The following PPP2R5C variants were observed in gnomAD, a reference collection of about 807,000 sequenced individuals.
PPP2R5C encodes protein phosphatase 2 regulatory subunit B'gamma, also known as serine/threonine-protein phosphatase 2A 56 kDa regulatory subunit gamma isoform.
PPP2R5C carries 7 observed loss-of-function variants against 68.9 expected under a neutral mutation model. The ratio of observed to expected loss-of-function variants is 0.10; its 90% confidence interval spans 0.06 to 0.19. The LOEUF (loss-of-function observed/expected upper bound fraction) is 0.19. Ranked by LOEUF, PPP2R5C falls within the 10% of genes least tolerant of loss-of-function variation. The pLI, the probability that PPP2R5C is intolerant of heterozygous loss-of-function variation, is 1.00. For synonymous variants in PPP2R5C, 210 were observed against 222.2 expected (o/e 0.95, Z 0.49); for missense variants, 348 against 641.3 (o/e 0.54, Z 4.94).
Position 101,906,124 on chromosome 14 carries a change from TCAGCATCTAGC to T in PPP2R5C, c.1024-266_1024-256del, listed in dbSNP as rs2046008853. On this transcript the variant is annotated intron_variant, in intron 9 of 13. Transcript: ENST00000334743. The surrounding 1 kb of genome is among the most constrained non-coding windows in gnomAD (Gnocchi z 4.0). The stretch of plus-strand genomic sequence containing the variant: ...GAATGGCCTCCTTTGAGTTGTCTCC[TCAGCATCTAGC>T]CAGCATCTAGCATAAATGTTTACGG... Among the ~76,000 whole-genome samples, 1 of 152,208 alleles carries T rather than the reference TCAGCATCTAGC, an allele frequency of 6.6e-6. No individual in the cohort carries two copies. The highest frequency in any genetic ancestry group is 6.5e-5 in the Admixed American group (1 of 15,274).
intron 13 of PPP2R5C, among the ~76,000 whole-genome samples, chr14:101,924,461 A>G (rs116736507): frequency 0.025 from 1,127 of 45,952 alleles, 55 homozygotes; most frequent in African/African-American, 0.088. Context: ...TTTTTTTGAG[A>G]TGGAGTCTGG....
chr14:101,901,997 A>G, intron 9 of PPP2R5C, 108 bp downstream of exon 11: 1 of 1,279,444 alleles, frequency 7.8e-7, no homozygotes, highest in Non-Finnish European at 1.1e-6. Flanking sequence ...ATTTAAAGGT[A>G]AAATCCAAGT....
chr14:101,921,824 TG>T (rs748214994), intron 13 of PPP2R5C, among the ~76,000 whole-genome samples: 29 of 152,194 alleles, frequency 1.9e-4, no homozygotes, highest in African/African-American at 6.3e-4. Context: ...TGGATTTTTG[TG>T]GAGAAATTCA....
At chr14:101,823,866 G>C in intron 1 of PPP2R5C, 1 of 1,245,042 alleles carries the variant, frequency 8.0e-7, no homozygotes, top group Non-Finnish European at 1.0e-6. Context: ...GTAGAGTGCA[G>C]TGCAGCTGAA....
At chr14:101,769,662 T>C (rs1247430589) in intron 2 of PPP2R5C, among the ~76,000 whole-genome samples, 3 of 152,142 alleles carry the variant, frequency 2.0e-5, no homozygotes, top group Non-Finnish European at 2.9e-5. Context: ...CTTGGGAAAA[T>C]TTTAAAAAGT....
chr14:101,834,860 G>GACTTGGT (rs2040981398), intron 1 of PPP2R5C, among the ~76,000 whole-genome samples: 1 of 152,182 alleles, frequency 6.6e-6, no homozygotes, highest in Non-Finnish European at 1.5e-5. Context: ...CTCAGAGATT[G>GACTTGGT]ACTTGGTACT....
intron 2 of PPP2R5C, among the ~76,000 whole-genome samples, chr14:101,763,879 C>T (rs2036699656): frequency 6.6e-6 from 1 of 152,230 alleles, no homozygotes; most frequent in African/African-American, 2.4e-5. Flanking sequence ...TCCTTCAAAC[C>T]ACCTCTGCTA....
At chr14:101,880,147 G>A (rs1298472385) in intron 2 of PPP2R5C, among the ~76,000 whole-genome samples, 2 of 152,168 alleles carry the variant, frequency 1.3e-5, no homozygotes, top group Non-Finnish European at 2.9e-5. Flanking sequence ...GACAGTCCCT[G>A]GAGAGTAGAC....
At chr14:101,772,752 C>T (rs1336875018) in intron 2 of PPP2R5C, among the ~76,000 whole-genome samples, 3 of 152,078 alleles carry the variant, frequency 2.0e-5, no homozygotes, top group Non-Finnish European at 2.9e-5. Context: ...GCCAAGATTG[C>T]GCCACTGCAC....
intron 1 of PPP2R5C, among the ~76,000 whole-genome samples, chr14:101,844,670 AGTGT>A (rs1195578699): frequency 1.3e-5 from 2 of 152,188 alleles, no homozygotes; most frequent in Non-Finnish European, 2.9e-5. Context: ...GGCCTGGAAA[AGTGT>A]GTGTATTTTC....
chr14:101,802,167 C>A (rs1325797240), intron 3 of PPP2R5C, among the ~76,000 whole-genome samples: 1 of 152,352 alleles, frequency 6.6e-6, no homozygotes, highest in Admixed American at 6.5e-5. Context: ...GGAATCCCAG[C>A]ACTTTGGGAG....
At chr14:101,793,333 C>T (rs2038450151) in intron 3 of PPP2R5C, among the ~76,000 whole-genome samples, 1 of 152,190 alleles carries the variant, frequency 6.6e-6, no homozygotes, top group Admixed American at 6.5e-5. Flanking sequence ...CTGAATCGTA[C>T]ATTCATATTG....
chr14:101,798,228 A>G (rs2140125711), intron 3 of PPP2R5C, among the ~76,000 whole-genome samples: 1 of 152,306 alleles, frequency 6.6e-6, no homozygotes, highest in Admixed American at 6.5e-5. Flanking sequence ...CTAGGTTCAG[A>G]ACACCAGCCT....
At chr14:101,819,005 A>G in intron 1 of PPP2R5C, 1 of 1,550,504 alleles carries the variant, frequency 6.4e-7, no homozygotes. Flanking sequence ...ACAAGTCCTG[A>G]AGAACCCTCA....
intron 2 of PPP2R5C, among the ~76,000 whole-genome samples, chr14:101,785,373 TGTCAGCAGG>T (rs1257513140): frequency 1.3e-5 from 2 of 152,188 alleles, no homozygotes; most frequent in African/African-American, 2.4e-5. Context: ...AAAATGAAGG[TGTCAGCAGG>T]GTCGTGATGG....
At chr14:101,807,455 G>A (rs1366048501), upstream of PPP2R5C, among the ~76,000 whole-genome samples, 1 of 151,906 alleles carries the variant, frequency 6.6e-6, no homozygotes, top group Admixed American at 6.6e-5. Flanking sequence ...ATTTTTTGCA[G>A]GTGAACTTTA....
At chr14:101,893,995 C>T (rs2045138212) in intron 7 of PPP2R5C, among the ~76,000 whole-genome samples, 1 of 152,202 alleles carries the variant, frequency 6.6e-6, no homozygotes, top group African/African-American at 2.4e-5. Flanking sequence ...CTCTGCCAGG[C>T]CCCACTTTCA....
At chr14:101,897,955 G>GACCA (rs1377246871) in intron 8 of PPP2R5C, among the ~76,000 whole-genome samples, 1 of 151,580 alleles carries the variant, frequency 6.6e-6, no homozygotes, top group Non-Finnish European at 1.5e-5. Context: ...AGGAGTTTGA[G>GACCA]ACCAGCCTGG....
rs1419834554 is a variant in PPP2R5C, at chr14:101,797,074, A to G, written c.259+10891A>G. ...CATCATCCCCAACAAAAACTCCATT[A>G]AACAGTAAGTGGCTGTCTCCCCATT... On this transcript the variant is annotated intron_variant, in intron 3 of 14. Transcript: ENST00000328724. The surrounding 1 kb of genome is among the most constrained non-coding windows in gnomAD (Gnocchi z 4.2). 9 of 444,166 alleles carry G rather than the reference A, an allele frequency of 2.0e-5. No individual in the cohort carries two copies. The highest frequency in any genetic ancestry group is 3.2e-5 in the Non-Finnish European group (7 of 219,476). The allele number at this position is 444,166 out of a possible 1,614,324, so 27.5% of individuals were successfully genotyped here.
Sources: allele counts gnomAD v4.1 joint callset (sites outside exome capture counted in the v4.1 genomes callset), GRCh38; gene constraint gnomAD v4.1.1; non-coding constraint Gnocchi (gnomAD v3.1); transcripts MANE v1.5; gene names NCBI Gene and HGNC (gene_info 2026-07-23, HGNC 2026-07-21).